Variants in EPG5 observed in about 807,000 individuals in gnomAD.
EPG5 encodes ectopic P-granules 5 autophagy tethering factor, also known as ectopic P granules protein 5 homolog.
EPG5 carries 159 observed loss-of-function variants against 302.7 expected under a neutral mutation model. The observed-to-expected ratio is 0.53, with a 90% CI of 0.46 to 0.60. EPG5 has a LOEUF of 0.60. Ranked by LOEUF, EPG5 falls within the 20% of genes least tolerant of loss-of-function variation. The pLI, the probability that EPG5 is intolerant of heterozygous loss-of-function variation, is 0.00. For missense variants in EPG5, 2,896 were observed against 3,092.4 expected, an observed-to-expected ratio of 0.94 and a Z score of 1.51; for synonymous variants, 1,158 against 1,136.8, an observed-to-expected ratio of 1.02 and a Z score of -0.37.
rs2048421439 is a variant in EPG5 at position 45,851,456 on chromosome 18, G to A, written c.*1011C>T. The A allele has an allele frequency of 6.6e-6, 1 of 152,146 alleles. No individual in the cohort carries two copies. The highest frequency in any genetic ancestry group is 2.4e-5 in the African/African-American group (1 of 41,426). 9.4% of individuals were successfully genotyped at this position (152,146 alleles called of 1,614,324 possible). The stretch of plus-strand genomic sequence containing the variant: ...AAAGCCAAATTTCAGTAGATCTCCC[G>A]ACCTGACCCAGTTTCCACAGACAAG... On this transcript the variant is annotated 3_prime_UTR_variant, in exon 44 of 44. Transcript: ENST00000282041.
chr18:45,868,731 A>G (rs2048805144), intron 36 of EPG5, among the ~76,000 whole-genome samples: 1 of 151,082 alleles, frequency 6.6e-6, no homozygotes. Flanking sequence ...AGTCTTTACA[A>G]TTTTTGATGA....
chr18:45,958,564 T>C (rs1029377771), intron 1 of EPG5, among the ~76,000 whole-genome samples: 9 of 152,106 alleles, frequency 5.9e-5, no homozygotes, highest in Non-Finnish European at 8.8e-5. Context: ...AACAATTCAA[T>C]GGGGAAATTT....
chr18:45,883,306 T>C (rs2049140081), intron 30 of EPG5, among the ~76,000 whole-genome samples: 1 of 152,156 alleles, frequency 6.6e-6, no homozygotes, highest in Non-Finnish European at 1.5e-5. Flanking sequence ...ACTGTCTCAA[T>C]TTAACAGCCA....
intron 35 of EPG5, among the ~76,000 whole-genome samples, chr18:45,872,197 T>C (rs1431116168): frequency 6.6e-6 from 1 of 152,238 alleles, no homozygotes; most frequent in Non-Finnish European, 1.5e-5. Flanking sequence ...ATCTCACGCT[T>C]TTCTGAGACC....
At chr18:45,952,067 A>C (rs1472111786) in intron 3 of EPG5, among the ~76,000 whole-genome samples, 3 of 152,252 alleles carry the variant, frequency 2.0e-5, no homozygotes, top group African/African-American at 7.2e-5. Flanking sequence ...AAGTATTCCG[A>C]TGATTACTTT....
chr18:45,950,125 G>A (rs1041123855), intron 4 of EPG5, among the ~76,000 whole-genome samples: 4 of 151,912 alleles, frequency 2.6e-5, no homozygotes, highest in Non-Finnish European at 4.4e-5. Context: ...TAAATATCAC[G>A]ACAAAAAGAA....
chr18:45,901,399 A>T (rs1248501252), intron 25 of EPG5, among the ~76,000 whole-genome samples: 1 of 152,192 alleles, frequency 6.6e-6, no homozygotes, highest in Non-Finnish European at 1.5e-5. Context: ...CCTTACGCTA[A>T]TATCACGTGG....
chr18:45,955,485 A>G, intron 1 of EPG5, 147 bp from the exon 2 acceptor site: 1 of 592,710 alleles, frequency 1.7e-6, no homozygotes. Flanking sequence ...TTGAACAGAT[A>G]TGAACAAATA....
chr18:45,836,750 C>A, the EPG5 span, among the ~76,000 whole-genome samples: 2 of 152,352 alleles, frequency 1.3e-5, no homozygotes, highest in African/African-American at 4.8e-5. Context: ...CTTGGGTATA[C>A]CTGAATTCTA....
chr18:45,880,174 T>C lies in EPG5; in HGVS notation c.5568A>G (p.Arg1856=), dbSNP rs1201653439. Residue 1856 remains arginine, a synonymous_variant, in exon 32 of 44, where the codon AGA becomes AGG. Transcript: ENST00000282041. ...AGCTGGGGGCGCAGCAGCCCAGGGCTCTCAGAGTGGCCTTCCAACACTCGG... is the reference window on the plus strand; with the variant it reads ...AGCTGGGGGCGCAGCAGCCCAGGGCCCTCAGAGTGGCCTTCCAACACTCGG... ...LSPECWKATL[R]ALGCCAPSCQ... 3.1e-6 allele frequency: 5 copies of C among 1,610,846 alleles called. No homozygotes were observed. Among genetic ancestry groups the C allele is most frequent in the Non-Finnish European group, 4.2e-6 (5 of 1,178,380 alleles).
chr18:45,883,625 T>TTG, intron 30 of EPG5, among the ~76,000 whole-genome samples: 1 of 136,704 alleles, frequency 7.3e-6, no homozygotes, highest in African/African-American at 2.9e-5. Context: ...TTTTTTTTTT[T>TTG]TTTTTTTTTT....
At chr18:45,965,796 G>A (rs1423920496) in intron 1 of EPG5, among the ~76,000 whole-genome samples, 3 of 152,166 alleles carry the variant, frequency 2.0e-5, no homozygotes, top group Admixed American at 6.5e-5. Context: ...GCTCACGCCT[G>A]TAATCCGGGC....
chr18:45,926,684 T>A lies in EPG5; in HGVS notation c.2554-782A>T, dbSNP rs558061232. Among the ~76,000 whole-genome samples the A allele has an allele frequency of 9.9e-5, 15 of 151,888 alleles. No individual in the cohort carries two copies. The South Asian group carries it at 3.1e-3, about 32-fold the overall frequency. Reference sequence around the variant, plus strand: ...TCTACTAAAAATTAGCCAGGCATGGTGGCACGCGCCTGTAATCCCAACTAC... The same window carrying A: ...TCTACTAAAAATTAGCCAGGCATGGAGGCACGCGCCTGTAATCCCAACTAC... On this transcript the variant is annotated intron_variant, in intron 13 of 43. Coordinates refer to ENST00000282041, the MANE Select transcript of EPG5 (RefSeq NM_020964.3).
intron 8 of EPG5, 39 bp downstream of exon 8, chr18:45,943,966 G>T: frequency 7.8e-7 from 1 of 1,285,514 alleles, no homozygotes; most frequent in Non-Finnish European, 1.1e-6. Flanking sequence ...GTTTACACTT[G>T]CCACTACCAC....
chr18:45,880,337 A>C, intron 31 of EPG5, 114 bp from the exon 32 acceptor site: 1 of 1,063,544 alleles, frequency 9.4e-7, no homozygotes, highest in Non-Finnish European at 1.3e-6. Flanking sequence ...CAAAATCCAA[A>C]ACAAACTCAC....
chr18:45,929,576 C>T (rs541850157), intron 12 of EPG5, among the ~76,000 whole-genome samples: 1 of 152,222 alleles, frequency 6.6e-6, no homozygotes, highest in South Asian at 2.1e-4. Context: ...TTAAGTATTG[C>T]TTCAATTGTA....
chr18:45,910,572 G>C lies in EPG5; in HGVS notation c.4154C>G (p.Ser1385Cys), dbSNP rs200040634. ...TGAAGTCAGGTAACCAGGGGTGCCA[G>C]AGTGGCTCTCTGGCAGCCCTTCACT... Reference protein sequence around the residue: ...EGSEGLPESHSGTPGYLTSPE... With the variant: ...EGSEGLPESHCGTPGYLTSPE... Residue 1385 changes from serine to cysteine, a missense_variant, in exon 23 of 44, where the codon TCT becomes TGT. Ser to Cys is a moderately radical substitution (Grantham distance 112). This residue lies in a region of EPG5 where 790 missense variants were observed against 798.0 expected (regional missense o/e 0.99). Coordinates refer to ENST00000282041, the MANE Select transcript of EPG5 (RefSeq NM_020964.3). 49 of 1,613,856 alleles carry C rather than the reference G, an allele frequency of 3.0e-5. No individual in the cohort carries two copies. In the African/African-American group the frequency reaches 4.9e-4, roughly 16 times the overall value.
At position 45,937,233 on chromosome 18, in the gene EPG5, T is replaced by TAC. The variant is rs1289632590; in HGVS notation, c.2100-2268_2100-2267insGT. Among the ~76,000 whole-genome samples the TAC allele has an allele frequency of 6.9e-3, 528 of 76,280 alleles. 7 individuals carry two copies. Among genetic ancestry groups the TAC allele is most frequent in the African/African-American group, 0.024 (439 of 17,982 alleles). 50.0% of individuals were successfully genotyped at this position (76,280 alleles called of 152,430 possible). On this transcript the variant is annotated intron_variant, in intron 10 of 43. Transcript: ENST00000282041. Reference sequence around the variant, plus strand: ...GAAGTCTGGCATATATATACATATATATACACACACACACACACACACACA... The same window carrying TAC: ...GAAGTCTGGCATATATATACATATATACATACACACACACACACACACACACA...
chr18:45,864,067 T>C (rs74569402), intron 39 of EPG5, among the ~76,000 whole-genome samples: 5,297 of 152,250 alleles, frequency 0.035, 125 homozygotes, highest in Non-Finnish European at 0.05. Flanking sequence ...ATATTAAACC[T>C]TCTCAGCCTA....
Sources: allele counts gnomAD v4.1 joint callset (sites outside exome capture counted in the v4.1 genomes callset), GRCh38; gene constraint gnomAD v4.1.1; regional missense constraint gnomAD v4.1.1; transcripts MANE v1.5; gene names NCBI Gene and HGNC (gene_info 2026-07-23, HGNC 2026-07-21).